Variants in OTUD7A observed in about 807,000 individuals in gnomAD.
The protein encoded by OTUD7A is OTU deubiquitinase 7A, also known as OTU domain-containing protein 7A.
OTUD7A carries 12 observed loss-of-function variants against 65.7 expected under a neutral mutation model. The observed-to-expected ratio is 0.18, with a 90% CI of 0.12 to 0.30. The LOEUF (loss-of-function observed/expected upper bound fraction) is 0.30. Among genes scored for constraint, OTUD7A ranks in the 10% least tolerant of loss-of-function variants. The pLI, the probability that OTUD7A is intolerant of heterozygous loss-of-function variation, is 1.00. For synonymous variants in OTUD7A, 641 were observed against 586.3 expected (o/e 1.09, Z -1.35); for missense variants, 1,148 against 1,304.8 (o/e 0.88, Z 1.85).
At chr15:31,531,520 C>CAAAAAAAAAAAAAAAAAAAAAAAAAAA (rs60332452) in intron 5 of OTUD7A, among the ~76,000 whole-genome samples, 1 of 80,164 alleles carries the variant, frequency 1.2e-5, no homozygotes, top group African/African-American at 4.2e-5. Context: ...GAGTAGGCCA[C>CAAAAAAAAAAAAAAAAAAAAAAAAAAA]AAAAAAAAAA....
intron 1 of OTUD7A, among the ~76,000 whole-genome samples, chr15:31,745,890 A>T (rs1894462733): frequency 6.6e-6 from 1 of 152,186 alleles, no homozygotes; most frequent in South Asian, 2.1e-4. Flanking sequence ...TTGGAAGAGG[A>T]ACTTAAAAGG....
At chr15:31,552,095 G>T (rs933425182) in intron 5 of OTUD7A, among the ~76,000 whole-genome samples, 1 of 152,152 alleles carries the variant, frequency 6.6e-6, no homozygotes, top group African/African-American at 2.4e-5. Flanking sequence ...CCCATGAGAT[G>T]ATTGTTAAAA....
intron 1 of OTUD7A, among the ~76,000 whole-genome samples, chr15:31,791,963 C>T (rs561176629): frequency 1.3e-5 from 2 of 152,134 alleles, no homozygotes; most frequent in Non-Finnish European, 2.9e-5. Flanking sequence ...CAGTCCTAAC[C>T]GAGCTCCCCA....
chr15:31,578,476 A>G (rs1250660863), intron 3 of OTUD7A, among the ~76,000 whole-genome samples: 1 of 152,078 alleles, frequency 6.6e-6, no homozygotes, highest in Non-Finnish European at 1.5e-5. Flanking sequence ...CCAACTGCCA[A>G]TTAGAAAAAT....
At chr15:31,798,593 C>T (rs1483037308) in intron 1 of OTUD7A, among the ~76,000 whole-genome samples, 1 of 152,232 alleles carries the variant, frequency 6.6e-6, no homozygotes, top group African/African-American at 2.4e-5. Flanking sequence ...GCATGCTGCA[C>T]CAACCTGCCA....
chr15:31,720,460 C>T (rs1360935493), intron 1 of OTUD7A, among the ~76,000 whole-genome samples: 14 of 148,342 alleles, frequency 9.4e-5, no homozygotes, highest in South Asian at 2.1e-4. Flanking sequence ...AGTGCGGTGG[C>T]GCGCTCTCAG....
In OTUD7A at chr15:31,751,780, G is replaced by A. The variant is rs186460842; in HGVS notation, c.-99-94703C>T. 1.8e-3 allele frequency among the ~76,000 whole-genome samples: 272 copies of A among 152,284 alleles called. 2 individuals are homozygous for A. Among genetic ancestry groups the A allele is most frequent in the African/African-American group, 6.2e-3 (256 of 41,558 alleles). Reference sequence around the variant, plus strand: ...CTTTTCAAACAACATAAGTGGAGCTGGAGGCCATTATCCTAGTGCAATTAA... The same window carrying A: ...CTTTTCAAACAACATAAGTGGAGCTAGAGGCCATTATCCTAGTGCAATTAA... On this transcript the variant is annotated intron_variant, in intron 1 of 12. Transcript: ENST00000307050.
chr15:31,504,790 G>A (rs61118115), intron 8 of OTUD7A, among the ~76,000 whole-genome samples: 2,151 of 152,300 alleles, frequency 0.014, 52 homozygotes, highest in African/African-American at 0.05. Flanking sequence ...AGCCACCTGG[G>A]ACTTCCAGAA....
rs140039924 is a variant in OTUD7A, at chr15:31,714,538, T to G, written c.-99-57461A>C. On this transcript the variant is annotated intron_variant, in intron 1 of 12. Transcript: ENST00000307050. ...CATATTTACATTTTTTTATAATTCA[T>G]GAAGTTGTACATTTGATGTGCATTT... Among the ~76,000 whole-genome samples, 332 of 152,306 alleles carry G rather than the reference T, an allele frequency of 2.2e-3. 1 individual carries two copies. The highest frequency in any genetic ancestry group is 7.4e-3 in the African/African-American group (306 of 41,558).
At chr15:31,784,250 T>C (rs1168630682) in intron 1 of OTUD7A, among the ~76,000 whole-genome samples, 1 of 152,198 alleles carries the variant, frequency 6.6e-6, no homozygotes, top group Non-Finnish European at 1.5e-5. Flanking sequence ...TCAGATGTAG[T>C]GTCAAAGATA....
At chr15:31,698,838 C>T (rs541927796) in intron 1 of OTUD7A, among the ~76,000 whole-genome samples, 2 of 148,484 alleles carry the variant, frequency 1.3e-5, no homozygotes, top group South Asian at 4.4e-4. Context: ...AATCAGTTCC[C>T]GCCTCCCTTC....
chr15:31,500,097 A>G (rs933985650), intron 10 of OTUD7A, among the ~76,000 whole-genome samples: 2 of 152,164 alleles, frequency 1.3e-5, no homozygotes, highest in African/African-American at 2.4e-5. Flanking sequence ...CTGACCACAG[A>G]ATCTCCCTGG....
chr15:31,701,291 C>A (rs1286095440), intron 1 of OTUD7A, among the ~76,000 whole-genome samples: 1 of 151,114 alleles, frequency 6.6e-6, no homozygotes, highest in African/African-American at 2.4e-5. Context: ...GATAATAGTA[C>A]TGTGGTTTCG....
chr15:31,559,738 T>C (rs1333180335), intron 4 of OTUD7A, among the ~76,000 whole-genome samples: 1 of 152,092 alleles, frequency 6.6e-6, no homozygotes, highest in African/African-American at 2.4e-5. Context: ...CGTGTACACA[T>C]ATAGATGTAT....
rs946611176 is a variant in OTUD7A, at chr15:31,480,215, C to T, written c.*3079G>A. On this transcript the variant is annotated 3_prime_UTR_variant, in exon 13 of 13. Transcript: ENST00000307050. ...TTAAACTTGGCTTGTAAAATTTCAA[C>T]GTAACACAGCATAAAGTCTACCAAC... is the stretch of plus-strand genomic sequence containing the variant. 3.3e-5 allele frequency: 5 copies of T among 152,154 alleles called. No individual in the cohort carries two copies. The highest frequency in any genetic ancestry group is 9.7e-5 in the African/African-American group (4 of 41,422). The allele number at this position is 152,154 out of a possible 1,614,324, so 9.4% of individuals were successfully genotyped here. A position where few individuals can be genotyped will look rare whatever the true frequency, so the allele number is the denominator to read the frequency against.
rs186722728 is a variant in OTUD7A, at chr15:31,554,740, A to G, written c.550+4229T>C. On this transcript the variant is annotated intron_variant, in intron 5 of 12. Transcript: ENST00000307050. ...TAGCTGCTGCCACAGGCAGCAGATG[A>G]TACTTCCCAACCCAGAGACCCCGGT... Among the ~76,000 whole-genome samples the G allele has an allele frequency of 3.4e-4, 52 of 152,292 alleles. 1 individual carries two copies. In the East Asian group the frequency reaches 9.4e-3, roughly 28 times the overall value.
intron 1 of OTUD7A, among the ~76,000 whole-genome samples, chr15:31,786,824 G>C (rs1253035902): frequency 6.6e-6 from 1 of 152,080 alleles, no homozygotes; most frequent in African/African-American, 2.4e-5. Flanking sequence ...CCAGAGTTCT[G>C]ACCCAGGACC....
chr15:31,550,631 A>C (rs1326318900), intron 5 of OTUD7A, among the ~76,000 whole-genome samples: 2 of 152,160 alleles, frequency 1.3e-5, no homozygotes, highest in Non-Finnish European at 2.9e-5. Flanking sequence ...TTGAGAGACT[A>C]TGAGCAGAGT....
intron 1 of OTUD7A, among the ~76,000 whole-genome samples, chr15:31,731,914 A>G (rs1469411550): frequency 6.6e-6 from 1 of 152,212 alleles, no homozygotes; most frequent in East Asian, 1.9e-4. Context: ...ATTATCCTCA[A>G]TGAAAAAATA....
Sources: gnomAD v4.1 joint callset for allele counts (sites outside exome capture counted in the v4.1 genomes callset) on GRCh38, gnomAD v4.1.1 for gene constraint, MANE v1.5 for transcripts, NCBI Gene and HGNC (gene_info 2026-07-23, HGNC 2026-07-21) for gene names.